Variants in SDK1 observed in about 807,000 individuals in gnomAD.
The protein encoded by SDK1 is sidekick cell adhesion molecule 1.
Under a neutral mutation model 245.5 loss-of-function variants are expected in SDK1, and 157 were observed. That is an observed-to-expected ratio of 0.64 (90% CI 0.56 to 0.73). The LOEUF (loss-of-function observed/expected upper bound fraction) is 0.73, where lower values mean the gene tolerates loss of function less well. Among genes scored for constraint, SDK1 ranks in the 30% least tolerant of loss-of-function variants. The pLI is 0.00. For missense variants in SDK1, 3,583 were observed against 3,002.3 expected (o/e 1.19, Z -4.52); for synonymous variants, 1,647 against 1,278.5 (o/e 1.29, Z -6.15).
At chr7:3,347,665 C>T (rs907144620) in intron 1 of SDK1, among the ~76,000 whole-genome samples, 1 of 152,076 alleles carries the variant, frequency 6.6e-6, no homozygotes, top group African/African-American at 2.4e-5. Flanking sequence ...GTTTATATTC[C>T]TAAGTGGCTT....
At chr7:4,090,572 G>C (rs780195398) in intron 22 of SDK1, among the ~76,000 whole-genome samples, 16 of 152,142 alleles carry the variant, frequency 1.1e-4, no homozygotes, top group Non-Finnish European at 1.9e-4. Flanking sequence ...GCTGGCTTCT[G>C]TATTCTTTTG....
intron 1 of SDK1, among the ~76,000 whole-genome samples, chr7:3,490,006 A>G (rs920351877): frequency 2.0e-5 from 3 of 152,132 alleles, no homozygotes; most frequent in South Asian, 2.1e-4. Context: ...CTTACTGGTT[A>G]TGTGTTTGCA....
chr7:3,567,464 A>G (rs551433570), intron 1 of SDK1, among the ~76,000 whole-genome samples: 22 of 152,308 alleles, frequency 1.4e-4, no homozygotes, highest in African/African-American at 3.6e-4. Context: ...GTGTGCTACT[A>G]TGTGTCTTGA....
At chr7:3,494,518 A>C (rs746728957) in intron 1 of SDK1, among the ~76,000 whole-genome samples, 1 of 152,308 alleles carries the variant, frequency 6.6e-6, no homozygotes, top group African/African-American at 2.4e-5. Flanking sequence ...TGAGAAATAG[A>C]TATGGGGTGC....
intron 1 of SDK1, among the ~76,000 whole-genome samples, chr7:3,597,074 T>G (rs1781091063): frequency 6.6e-6 from 1 of 151,784 alleles, no homozygotes; most frequent in Non-Finnish European, 1.5e-5. Flanking sequence ...ATCGAAACCA[T>G]CCTGGCTAAC....
chr7:4,171,238 G>A (rs1303035868), intron 32 of SDK1, among the ~76,000 whole-genome samples: 5 of 152,172 alleles, frequency 3.3e-5, no homozygotes, highest in Non-Finnish European at 5.9e-5. Flanking sequence ...CCGCCGCCTC[G>A]GGTACACCGC....
chr7:4,227,407 T>G (rs1417407180), intron 40 of SDK1: 1 of 471,274 alleles, frequency 2.1e-6, no homozygotes. Context: ...CTGCCTTGAA[T>G]GAGGATCCGA....
chr7:3,657,598 C>A (rs891063436), intron 4 of SDK1, among the ~76,000 whole-genome samples: 5 of 126,692 alleles, frequency 3.9e-5, no homozygotes, highest in African/African-American at 1.8e-4. Flanking sequence ...TTAGGGGACT[C>A]GGGTTTTTTT....
chr7:3,310,151 A>G (rs921014852), intron 1 of SDK1, among the ~76,000 whole-genome samples: 1 of 152,110 alleles, frequency 6.6e-6, no homozygotes, highest in Admixed American at 6.6e-5. Context: ...TTCACTGGAA[A>G]TTGCTTTCTT....
intron 1 of SDK1, among the ~76,000 whole-genome samples, chr7:3,519,222 A>T (rs531981118): frequency 6.6e-6 from 1 of 152,184 alleles, no homozygotes; most frequent in African/African-American, 2.4e-5. Flanking sequence ...CAAGTCTTCC[A>T]TAGCACTGTA....
At chr7:3,721,681 G>T (rs1317897136) in intron 4 of SDK1, among the ~76,000 whole-genome samples, 1 of 152,144 alleles carries the variant, frequency 6.6e-6, no homozygotes, top group Non-Finnish European at 1.5e-5. Context: ...AGAGTGCATT[G>T]TGTGCTCACT....
At chr7:3,836,031 A>G (rs1562479711) in intron 5 of SDK1, among the ~76,000 whole-genome samples, 1 of 152,372 alleles carries the variant, frequency 6.6e-6, no homozygotes, top group Admixed American at 6.5e-5. Context: ...ATATAGAGAA[A>G]ATATGGGAGA....
At chr7:4,052,178 C>T (rs966447210) in intron 19 of SDK1, among the ~76,000 whole-genome samples, 22 of 139,698 alleles carry the variant, frequency 1.6e-4, no homozygotes, top group South Asian at 7.5e-4. Context: ...TCCCCCCCCC[C>T]CCGACGTCCC....
chr7:4,107,138 G>GCTGC (rs1782981894), intron 22 of SDK1, among the ~76,000 whole-genome samples: 2 of 142,482 alleles, frequency 1.4e-5, no homozygotes, highest in African/African-American at 5.4e-5. Flanking sequence ...GGAGGGTGGG[G>GCTGC]AGGGTGGGGA....
intron 5 of SDK1, among the ~76,000 whole-genome samples, chr7:3,867,950 T>C (rs1447961513): frequency 6.6e-6 from 1 of 152,222 alleles, no homozygotes; most frequent in African/African-American, 2.4e-5. Context: ...TTATCCTTTC[T>C]ATCTTTCTCG....
At chr7:4,197,265 C>G (rs1783633428) in intron 35 of SDK1, among the ~76,000 whole-genome samples, 1 of 150,398 alleles carries the variant, frequency 6.6e-6, no homozygotes, top group African/African-American at 2.5e-5. Flanking sequence ...GGATTTGAGA[C>G]CAGCCTGAGC....
intron 4 of SDK1, among the ~76,000 whole-genome samples, chr7:3,654,121 A>C (rs551968038): frequency 1.3e-5 from 2 of 152,126 alleles, no homozygotes; most frequent in Non-Finnish European, 2.9e-5. Context: ...TGTAGAGAAT[A>C]TGCTGGAGCC....
intron 1 of SDK1, among the ~76,000 whole-genome samples, chr7:3,392,541 T>G (rs907793565): frequency 6.6e-6 from 1 of 152,164 alleles, no homozygotes; most frequent in Non-Finnish European, 1.5e-5. Flanking sequence ...TGTATGGCCA[T>G]CACCATTATT....
At chr7:3,848,205 T>C (rs547800512) in intron 5 of SDK1, among the ~76,000 whole-genome samples, 1 of 152,356 alleles carries the variant, frequency 6.6e-6, no homozygotes, top group East Asian at 1.9e-4. Flanking sequence ...ACCTATAAAA[T>C]GTTAATTGGA....
Sources: gnomAD v4.1 joint callset for allele counts (sites outside exome capture counted in the v4.1 genomes callset) on GRCh38, gnomAD v4.1.1 for gene constraint, MANE v1.5 for transcripts, NCBI Gene and HGNC (gene_info 2026-07-23, HGNC 2026-07-21) for gene names.